The following MTUS2 variants were observed in gnomAD, a reference collection of about 807,000 sequenced individuals.
MTUS2 encodes the protein microtubule associated scaffold protein 2, also known as microtubule-associated tumor suppressor candidate 2.
In MTUS2, 40 loss-of-function variants were observed where a neutral mutation model predicts 114.1. That is an observed-to-expected ratio of 0.35 (90% CI 0.27 to 0.46). The LOEUF (loss-of-function observed/expected upper bound fraction) is 0.46, where lower values mean the gene tolerates loss of function less well. Ranked by LOEUF, MTUS2 falls within the 20% of genes least tolerant of loss-of-function variation. MTUS2 has a pLI of 1.00. For synonymous variants in MTUS2, 688 were observed against 672.0 expected (o/e 1.02, Z -0.37); for missense variants, 1,679 against 1,705.4 (o/e 0.98, Z 0.27).
At chr13:28,986,389 G>GGC (rs1474144511) in intron 2 of MTUS2, among the ~76,000 whole-genome samples, 4 of 152,100 alleles carry the variant, frequency 2.6e-5, no homozygotes, top group Non-Finnish European at 5.9e-5. Context: ...ACACTAGGTG[G>GGC]GCACTGGCTT....
At chr13:29,137,543 CTTCTTCT>C (rs917676510) in intron 5 of MTUS2, among the ~76,000 whole-genome samples, 145 of 152,052 alleles carry the variant, frequency 9.5e-4, no homozygotes, top group South Asian at 1.3e-3. Context: ...CTTCAGTCTT[CTTCTTCT>C]TTCTTCTTTC....
Position 28,924,411 on chromosome 13 carries a change from G to A in MTUS2, c.-243+84561G>A, listed in dbSNP as rs185301634. ...CATTTCCCTTGTCTTGAAAAGCTTT[G>A]AGAATGATCCTGCAATCAAGCAGTA... On this transcript the variant is annotated intron_variant, in intron 2 of 15. Coordinates refer to ENST00000612955, the MANE Select transcript of MTUS2 (RefSeq NM_001033602.4). 5.3e-5 allele frequency among the ~76,000 whole-genome samples: 8 copies of A among 152,258 alleles called. No individual in the cohort carries two copies. In the East Asian group the frequency reaches 1.3e-3, roughly 26 times the overall value.
At chr13:28,881,641 T>G (rs1397828039) in intron 2 of MTUS2, among the ~76,000 whole-genome samples, 4 of 148,700 alleles carry the variant, frequency 2.7e-5, no homozygotes, top group Non-Finnish European at 6.1e-5. Context: ...ATATCTGCTG[T>G]TTTTTTTATC....
intron 6 of MTUS2, among the ~76,000 whole-genome samples, chr13:29,323,554 A>T (rs992997027): frequency 6.6e-6 from 1 of 152,188 alleles, no homozygotes; most frequent in Admixed American, 6.5e-5. Flanking sequence ...CCAGCCTGAT[A>T]TGGCTCTTTT....
At chr13:29,354,193 A>G (rs75590182) in intron 7 of MTUS2, among the ~76,000 whole-genome samples, 11,070 of 148,892 alleles carry the variant, frequency 0.074, 1,376 homozygotes, top group African/African-American at 0.26. Context: ...GTGCTTCAAT[A>G]TCTATAGTTT....
intron 5 of MTUS2, among the ~76,000 whole-genome samples, chr13:29,120,607 C>T (rs536839779): frequency 7.9e-5 from 12 of 152,190 alleles, no homozygotes; most frequent in African/African-American, 2.4e-4. Flanking sequence ...GGAAATATAT[C>T]GCCACTTAAA....
At chr13:29,440,212 G>A (rs1177388229) in intron 9 of MTUS2, among the ~76,000 whole-genome samples, 163 bp downstream of exon 9, 3 of 152,176 alleles carry the variant, frequency 2.0e-5, no homozygotes, top group Non-Finnish European at 4.4e-5. Flanking sequence ...TAGCCTTAGC[G>A]GGGAACCATA....
At chr13:28,844,350 A>G (rs917439925) in intron 2 of MTUS2, among the ~76,000 whole-genome samples, 2 of 152,148 alleles carry the variant, frequency 1.3e-5, no homozygotes, top group African/African-American at 4.8e-5. Context: ...ATTCTTTGTC[A>G]TATTTATGTA....
chr13:28,820,298 G>C (rs1873794968), upstream of MTUS2: 1 of 148,696 alleles, frequency 6.7e-6, no homozygotes, highest in African/African-American at 2.4e-5. Context: ...GAGTGCGGGG[G>C]CGCGGAGCGG....
intron 6 of MTUS2, among the ~76,000 whole-genome samples, chr13:29,322,190 T>C (rs941951144): frequency 6.6e-5 from 10 of 152,226 alleles, no homozygotes; most frequent in African/African-American, 2.4e-4. Flanking sequence ...TAAATAATTG[T>C]ATTTTGTTTT....
intron 7 of MTUS2, among the ~76,000 whole-genome samples, chr13:29,346,033 T>G (rs1868643206): frequency 6.6e-6 from 1 of 152,104 alleles, no homozygotes; most frequent in Non-Finnish European, 1.5e-5. Flanking sequence ...CAGCCGTGAG[T>G]AACGAGCACC....
chr13:29,469,402 GTGGA>G (rs1487510608), intron 9 of MTUS2, among the ~76,000 whole-genome samples: 1 of 152,182 alleles, frequency 6.6e-6, no homozygotes, highest in Admixed American at 6.5e-5. Flanking sequence ...GCCGAGGCTG[GTGGA>G]TCACGAGGTC....
At chr13:29,283,811 G>C (rs1039172760) in intron 6 of MTUS2, among the ~76,000 whole-genome samples, 1 of 152,116 alleles carries the variant, frequency 6.6e-6, no homozygotes, top group Non-Finnish European at 1.5e-5. Flanking sequence ...CCATATGAAA[G>C]GATAATAATC....
At chr13:29,263,717 G>C (rs1054498080) in intron 5 of MTUS2, among the ~76,000 whole-genome samples, 10 of 152,046 alleles carry the variant, frequency 6.6e-5, no homozygotes, top group Non-Finnish European at 1.2e-4. Flanking sequence ...TACAAAACAA[G>C]ATCTCATGAG....
chr13:29,456,873 C>T (rs1378800223), intron 9 of MTUS2, among the ~76,000 whole-genome samples: 3 of 152,122 alleles, frequency 2.0e-5, no homozygotes, highest in African/African-American at 7.2e-5. Flanking sequence ...CACGGTGGCT[C>T]ACGCCTGTAA....
intron 5 of MTUS2, chr13:29,242,732 T>TA (rs1330693538): frequency 6.6e-6 from 1 of 152,276 alleles, no homozygotes; most frequent in African/African-American, 2.4e-5. Context: ...ATATCATCCC[T>TA]GCCTTTGAAG....
At chr13:29,259,343 A>G (rs532141385) in intron 5 of MTUS2, among the ~76,000 whole-genome samples, 38 of 152,168 alleles carry the variant, frequency 2.5e-4, no homozygotes, top group Non-Finnish European at 4.1e-4. Context: ...AAGCAACTGA[A>G]GAGAGAGAAG....
intron 2 of MTUS2, among the ~76,000 whole-genome samples, chr13:28,994,910 A>C (rs1885025940): frequency 6.6e-6 from 1 of 151,966 alleles, no homozygotes; most frequent in Non-Finnish European, 1.5e-5. Flanking sequence ...GTTTAATTAG[A>C]TCCCCTTTGT....
chr13:29,485,427 A>G (rs976476321), intron 10 of MTUS2: 2 of 152,384 alleles, frequency 1.3e-5, no homozygotes, highest in Admixed American at 1.3e-4. Flanking sequence ...TTTAAAAACC[A>G]TAAAGTTGCA....
Sources: gnomAD v4.1 joint callset for allele counts (sites outside exome capture counted in the v4.1 genomes callset) on GRCh38, gnomAD v4.1.1 for gene constraint, MANE v1.5 for transcripts, NCBI Gene and HGNC (gene_info 2026-07-23, HGNC 2026-07-21) for gene names.